The following PITPNC1 variants were observed in gnomAD, a reference collection of about 807,000 sequenced individuals.
The protein encoded by PITPNC1 is cytoplasmic phosphatidylinositol transfer protein 1.
In PITPNC1, 18 loss-of-function variants were observed where a neutral mutation model predicts 44.7. The ratio of observed to expected loss-of-function variants is 0.40; its 90% CI spans 0.28 to 0.60. The LOEUF (loss-of-function observed/expected upper bound fraction) is 0.60. Among genes scored for constraint, PITPNC1 ranks in the 20% least tolerant of loss-of-function variants. The pLI is 0.39. For synonymous variants in PITPNC1, 141 were observed against 149.6 expected (o/e 0.94, Z 0.42); for missense variants, 290 against 418.4 (o/e 0.69, Z 2.68).
At chr17:67,563,805 C>A (rs540156557) in intron 4 of PITPNC1, among the ~76,000 whole-genome samples, 1 of 152,294 alleles carries the variant, frequency 6.6e-6, no homozygotes, top group South Asian at 2.1e-4. Context: ...ACTCCTCTGT[C>A]TACTTAGTGG....
At chr17:67,537,652 T>TATAAACATGAAA (rs2040547934) in intron 2 of PITPNC1, among the ~76,000 whole-genome samples, 1 of 152,144 alleles carries the variant, frequency 6.6e-6, no homozygotes, top group Admixed American at 6.6e-5. Flanking sequence ...AAATCTAACT[T>TATAAACATGAAA]AAAATGCCAA....
intron 5 of PITPNC1, among the ~76,000 whole-genome samples, chr17:67,622,736 T>G (rs1423482054): frequency 6.6e-6 from 1 of 151,594 alleles, no homozygotes; most frequent in Non-Finnish European, 1.5e-5. Flanking sequence ...ATTAGCCAGG[T>G]GTGGTGGCGC....
At chr17:67,659,138 C>T (rs913221276) in intron 6 of PITPNC1, among the ~76,000 whole-genome samples, 1 of 152,200 alleles carries the variant, frequency 6.6e-6, no homozygotes, top group African/African-American at 2.4e-5. Context: ...TCATTCTCTT[C>T]ATCTTTGGTA....
chr17:67,544,302 C>G (rs2040648492), intron 2 of PITPNC1, among the ~76,000 whole-genome samples: 1 of 152,034 alleles, frequency 6.6e-6, no homozygotes, highest in Non-Finnish European at 1.5e-5. Context: ...ACCTGTCACC[C>G]AGAAACATAT....
intron 6 of PITPNC1, among the ~76,000 whole-genome samples, chr17:67,660,225 G>T (rs2144384034): frequency 6.6e-6 from 1 of 152,192 alleles, no homozygotes; most frequent in South Asian, 2.1e-4. Context: ...CTCCTGCCCT[G>T]TTTTATTATT....
intron 1 of PITPNC1, among the ~76,000 whole-genome samples, chr17:67,518,350 AT>A (rs1477367324): frequency 6.6e-6 from 1 of 152,170 alleles, no homozygotes; most frequent in East Asian, 1.9e-4. Flanking sequence ...AATTAAACTT[AT>A]GTTTGCAAAC....
Position 67,497,529 on chromosome 17 carries a change from C to CTTTTTTT in PITPNC1, c.49-35259_49-35253dup, listed in dbSNP as rs34364657. Reference sequence around the variant, plus strand: ...TGTGTCTCCATAAACTTGTTCGTGTCTTTTTTTTTTTTTTTTTTTTGAGAT... The same window carrying CTTTTTTT: ...TGTGTCTCCATAAACTTGTTCGTGTCTTTTTTTTTTTTTTTTTTTTTTTTTTTGAGAT... On this transcript the variant is annotated intron_variant, in intron 1 of 8. Coordinates refer to ENST00000581322, the MANE Select transcript of PITPNC1 (RefSeq NM_012417.4). Among the ~76,000 whole-genome samples the CTTTTTTT allele has an allele frequency of 1.2e-3, 105 of 87,498 alleles. 2 individuals carry two copies. Among genetic ancestry groups the CTTTTTTT allele is most frequent in the Non-Finnish European group, 1.3e-3 (61 of 48,378 alleles). The allele number at this position is 87,498 out of a possible 152,430, so 57.4% of individuals were successfully genotyped here. A position where few individuals can be genotyped will look rare whatever the true frequency, so the allele number is the denominator to read the frequency against.
chr17:67,381,284 C>T (rs1283512497), intron 1 of PITPNC1, among the ~76,000 whole-genome samples: 31 of 145,756 alleles, frequency 2.1e-4, no homozygotes, highest in Middle Eastern at 3.5e-3. Flanking sequence ...GCTGAGATCA[C>T]GCCACTGCAC....
At chr17:67,515,781 G>A (rs1047052205) in intron 1 of PITPNC1, among the ~76,000 whole-genome samples, 13 of 152,164 alleles carry the variant, frequency 8.5e-5, no homozygotes, top group African/African-American at 2.9e-4. Flanking sequence ...TGTTTCAGGC[G>A]AGGGCTTGGA....
At chr17:67,578,435 GT>G (rs1034847161) in intron 5 of PITPNC1, among the ~76,000 whole-genome samples, 178 bp downstream of exon 5, 114 of 152,204 alleles carry the variant, frequency 7.5e-4, no homozygotes, top group African/African-American at 2.7e-3. Flanking sequence ...GAATTCTTTT[GT>G]TGTCTAGCTT....
At chr17:67,488,595 A>C (rs2039816843) in intron 1 of PITPNC1, among the ~76,000 whole-genome samples, 1 of 152,196 alleles carries the variant, frequency 6.6e-6, no homozygotes, top group Non-Finnish European at 1.5e-5. Flanking sequence ...CATGTAACAA[A>C]ATTTACCATC....
chr17:67,551,923 AG>A (rs2040769367), intron 2 of PITPNC1, among the ~76,000 whole-genome samples: 1 of 152,108 alleles, frequency 6.6e-6, no homozygotes, highest in Non-Finnish European at 1.5e-5. Context: ...CACTCCTAGG[AG>A]GCAAAGGTCA....
chr17:67,626,471 G>A (rs1206461655), intron 5 of PITPNC1, among the ~76,000 whole-genome samples: 1 of 152,128 alleles, frequency 6.6e-6, no homozygotes, highest in Non-Finnish European at 1.5e-5. Context: ...CTGGGTTCAA[G>A]CAATTCTCCT....
At chr17:67,468,852 C>T (rs909670153) in intron 1 of PITPNC1, among the ~76,000 whole-genome samples, 2 of 152,158 alleles carry the variant, frequency 1.3e-5, no homozygotes, top group African/African-American at 4.8e-5. Flanking sequence ...CCTCAGCCTC[C>T]CAAGTAGCTG....
chr17:67,684,049 G>A (rs1312384360), intron 8 of PITPNC1, among the ~76,000 whole-genome samples: 1 of 149,940 alleles, frequency 6.7e-6, no homozygotes, highest in East Asian at 2.0e-4. Flanking sequence ...TTCTGGAAAA[G>A]TCTATCTTCT....
chr17:67,629,238 C>CTGTGTGTGTGTGTGTGTGTGTGTGTGTG (rs71139164), intron 5 of PITPNC1, among the ~76,000 whole-genome samples: 3,278 of 131,202 alleles, frequency 0.025, 105 homozygotes, highest in East Asian at 0.046. Context: ...CTGGGGTATT[C>CTGTGTGTGTGTGTGTGTGTGTGTGTGTG]TGTGTGTGTG....
At chr17:67,389,531 C>T (rs558894894) in intron 1 of PITPNC1, among the ~76,000 whole-genome samples, 36 of 152,334 alleles carry the variant, frequency 2.4e-4, no homozygotes, top group African/African-American at 8.2e-4. Context: ...CCTCCTGAAG[C>T]TCCTAGGCCA....
chr17:67,679,565 T>C (rs1026447636), intron 8 of PITPNC1, among the ~76,000 whole-genome samples: 1 of 152,200 alleles, frequency 6.6e-6, no homozygotes, highest in Non-Finnish European at 1.5e-5. Flanking sequence ...AAAAGGACAT[T>C]GTTGAGGGTA....
chr17:67,436,923 T>G (rs919865906), intron 1 of PITPNC1, among the ~76,000 whole-genome samples: 5 of 137,330 alleles, frequency 3.6e-5, no homozygotes, highest in East Asian at 2.1e-4. Context: ...TTTTTTTTTT[T>G]TTTTTTTTTT....
Sources: gnomAD v4.1 joint callset for allele counts (sites outside exome capture counted in the v4.1 genomes callset) on GRCh38, gnomAD v4.1.1 for gene constraint, MANE v1.5 for transcripts, NCBI Gene and HGNC (gene_info 2026-07-23, HGNC 2026-07-21) for gene names.